Variants in FAM53B observed in about 807,000 individuals in gnomAD.
FAM53B encodes the protein protein FAM53B.
A neutral mutation model predicts 32.7 loss-of-function variants in FAM53B; 12 were observed. The ratio of observed to expected loss-of-function variants is 0.37; its 90% CI spans 0.24 to 0.59. FAM53B has a LOEUF of 0.59. Ranked by LOEUF, FAM53B falls within the 20% of genes least tolerant of loss-of-function variation. FAM53B has a pLI of 0.72. For missense variants in FAM53B, 477 were observed against 577.7 expected, an observed-to-expected ratio of 0.83 and a Z score of 1.79; for synonymous variants, 234 against 228.7, an observed-to-expected ratio of 1.02 and a Z score of -0.21.
intron 3 of FAM53B, among the ~76,000 whole-genome samples, chr10:124,685,008 TTAAA>T (rs1331645059): frequency 1.3e-5 from 2 of 152,204 alleles, no homozygotes; most frequent in Non-Finnish European, 2.9e-5. Flanking sequence ...TAGGGGCCGG[TTAAA>T]TAAATTATCA....
intron 2 of FAM53B, among the ~76,000 whole-genome samples, chr10:124,699,712 G>A (rs1444679380): frequency 6.6e-6 from 1 of 152,210 alleles, no homozygotes; most frequent in African/African-American, 2.4e-5. Context: ...CAACCAAGGT[G>A]CCTCCACCTC....
At chr10:124,731,154 T>C (rs1008669521) in intron 1 of FAM53B, among the ~76,000 whole-genome samples, 1 of 152,234 alleles carries the variant, frequency 6.6e-6, no homozygotes, top group Non-Finnish European at 1.5e-5. Flanking sequence ...AAGGGAATAA[T>C]AACAGCACTC....
In FAM53B at chr10:124,681,717, T is replaced by A. The variant is rs62642491; in HGVS notation, c.796A>T (p.Ser266Cys). Residue 266 changes from serine (S) to cysteine (C), a missense_variant, in exon 4 of 5, where the codon AGC becomes TGC. By Grantham distance (112) the Ser-to-Cys change is moderately radical. Transcript: ENST00000337318. The stretch of plus-strand genomic sequence containing the variant: ...TTAAGGACACACGGCTGGGAGCGGC[T>A]GCGGGAAAGGCCGCTGGAGCGTCTC... ...LARRSSGLSR[S>C]RSQPCVLNDK... 84 of 1,611,136 alleles carry A rather than the reference T, an allele frequency of 5.2e-5. No individual in the cohort carries two copies. In the African/African-American group the frequency reaches 9.3e-4, roughly 18 times the overall value.
intron 4 of FAM53B, among the ~76,000 whole-genome samples, chr10:124,662,448 A>C (rs139984976): frequency 0.1 from 12,246 of 117,530 alleles, 712 homozygotes; most frequent in East Asian, 0.2. Flanking sequence ...CCACCCACCC[A>C]CACACCCACC....
At chr10:124,654,007 G>A (rs1949571095) in intron 4 of FAM53B, among the ~76,000 whole-genome samples, 1 of 152,226 alleles carries the variant, frequency 6.6e-6, no homozygotes, top group African/African-American at 2.4e-5. Flanking sequence ...GCTGAAGTCT[G>A]CCAGGTTGCT....
rs937395291 is a variant in FAM53B at position 124,620,526 on chromosome 10, C to G, written c.*2716G>C. On this transcript the variant is annotated 3_prime_UTR_variant, in exon 5 of 5. Coordinates refer to ENST00000337318, the MANE Select transcript of FAM53B (RefSeq NM_014661.4). ...AAAAGTAAGGCTCCTGCCACTGCCC[C>G]CAGCTGGGGCCATCATGCTGGTGGG... The G allele has an allele frequency of 6.6e-6, 1 of 152,320 alleles. No homozygotes were observed. The highest frequency in any genetic ancestry group is 2.4e-5 in the African/African-American group (1 of 41,450). 9.4% of individuals were successfully genotyped at this position (152,320 alleles called of 1,614,324 possible). A position where few individuals can be genotyped will look rare whatever the true frequency, so the allele number is the denominator to read the frequency against.
chr10:124,684,217 G>T (rs1044626350), intron 3 of FAM53B, among the ~76,000 whole-genome samples: 1 of 152,260 alleles, frequency 6.6e-6, no homozygotes, highest in Non-Finnish European at 1.5e-5. Flanking sequence ...GCCCAGGCAA[G>T]CCAGCTGCAA....
intron 3 of FAM53B, among the ~76,000 whole-genome samples, chr10:124,692,167 G>A (rs1237866920): frequency 6.6e-6 from 1 of 152,184 alleles, no homozygotes; most frequent in East Asian, 1.9e-4. Context: ...GGTGGCGGCT[G>A]AGCTGGCACC....
chr10:124,655,616 T>TG (rs1949584942), intron 4 of FAM53B, among the ~76,000 whole-genome samples: 1 of 152,040 alleles, frequency 6.6e-6, no homozygotes, highest in Non-Finnish European at 1.5e-5. Context: ...ATGGCAGAGC[T>TG]GGGGCTCCTG....
intron 4 of FAM53B, among the ~76,000 whole-genome samples, chr10:124,631,966 G>A (rs965427533): frequency 6.6e-6 from 1 of 152,190 alleles, no homozygotes; most frequent in Admixed American, 6.5e-5. Context: ...CGTGCAGCCT[G>A]GGGGCAGAGG....
At chr10:124,647,180 A>G (rs1276378147) in intron 4 of FAM53B, among the ~76,000 whole-genome samples, 1 of 152,190 alleles carries the variant, frequency 6.6e-6, no homozygotes, top group Non-Finnish European at 1.5e-5. Flanking sequence ...ACGTGGGGAA[A>G]ATATCATCTC....
chr10:124,700,423 T>C (rs1228995886), intron 2 of FAM53B, among the ~76,000 whole-genome samples: 1 of 152,132 alleles, frequency 6.6e-6, no homozygotes, highest in East Asian at 1.9e-4. Context: ...ACACTCAGTG[T>C]CTGCACTCTG....
At chr10:124,681,103 T>A (rs1386997380) in intron 4 of FAM53B, among the ~76,000 whole-genome samples, 1 of 152,116 alleles carries the variant, frequency 6.6e-6, no homozygotes, top group Non-Finnish European at 1.5e-5. Flanking sequence ...GATCACAACA[T>A]CCTGATGGCC....
intron 4 of FAM53B, among the ~76,000 whole-genome samples, chr10:124,642,173 G>A (rs956082533): frequency 6.6e-6 from 1 of 152,202 alleles, no homozygotes; most frequent in African/African-American, 2.4e-5. Flanking sequence ...ACCACAGGGC[G>A]GCCACTTCTG....
At chr10:124,698,196 AGCCCGT>A (rs2134079519) in intron 2 of FAM53B, among the ~76,000 whole-genome samples, 1 of 152,292 alleles carries the variant, frequency 6.6e-6, no homozygotes, top group African/African-American at 2.4e-5. Context: ...CCCGGCCCCC[AGCCCGT>A]GCCTGCCAGG....
At chr10:124,633,650 G>C (rs1478657744) in intron 4 of FAM53B, among the ~76,000 whole-genome samples, 1 of 152,132 alleles carries the variant, frequency 6.6e-6, no homozygotes, top group Non-Finnish European at 1.5e-5. Context: ...AATAGACCCA[G>C]TTTGGTATAT....
intron 4 of FAM53B, among the ~76,000 whole-genome samples, chr10:124,680,321 T>C (rs959863313): frequency 5.9e-5 from 9 of 152,296 alleles, no homozygotes; most frequent in African/African-American, 2.2e-4. Flanking sequence ...CCTCCCATAA[T>C]GCCCCAGCCA....
chr10:124,712,345 T>C (rs1005232613), intron 1 of FAM53B, among the ~76,000 whole-genome samples: 1 of 152,160 alleles, frequency 6.6e-6, no homozygotes, highest in African/African-American at 2.4e-5. Context: ...CACAGAGCAA[T>C]ACCCTGTCTC....
At chr10:124,734,570 T>C (rs1404235614) in intron 1 of FAM53B, among the ~76,000 whole-genome samples, 1 of 152,162 alleles carries the variant, frequency 6.6e-6, no homozygotes, top group African/African-American at 2.4e-5. Context: ...CAGGTCTGCT[T>C]CAAGGCCACC....
Sources: gnomAD v4.1 joint callset for allele counts (sites outside exome capture counted in the v4.1 genomes callset) on GRCh38, gnomAD v4.1.1 for gene constraint, MANE v1.5 for transcripts, NCBI Gene and HGNC (gene_info 2026-07-23, HGNC 2026-07-21) for gene names.